Variants in PCBP3 observed in about 807,000 individuals in gnomAD.
The protein encoded by PCBP3 is poly(rC)-binding protein 3.
A neutral mutation model predicts 52.7 loss-of-function variants in PCBP3; 25 were observed. That is an observed-to-expected ratio of 0.47 (90% CI 0.35 to 0.66). The LOEUF (loss-of-function observed/expected upper bound fraction) is 0.66. Among genes scored for constraint, PCBP3 ranks in the 30% least tolerant of loss-of-function variants. The pLI, the probability that PCBP3 is intolerant of heterozygous loss-of-function variation, is 0.01. For missense variants in PCBP3, 391 were observed against 490.3 expected (o/e 0.80, Z 1.91); for synonymous variants, 162 against 183.0 (o/e 0.89, Z 0.93).
rs1252577771 is a variant in PCBP3 at position 45,830,120 on chromosome 21, C to CT, written c.-125-19837dup. ...GGATGGAGGAAGCCTTCCCCTGACC[C>CT]TTTTGGGGGCATGCAGTACATGTGG... is the stretch of plus-strand genomic sequence containing the variant. On this transcript the variant is annotated intron_variant, in intron 4 of 17. Transcript: ENST00000681687. The surrounding 1 kb of genome is among the most constrained non-coding windows in gnomAD (Gnocchi z 4.4). The CT allele has an allele frequency of 2.0e-5, 3 of 152,750 alleles. No individual in the cohort carries two copies. Among genetic ancestry groups the CT allele is most frequent in the Admixed American group, 6.5e-5 (1 of 15,288 alleles). 9.5% of individuals were successfully genotyped at this position (152,750 alleles called of 1,614,324 possible). A position where few individuals can be genotyped will look rare whatever the true frequency, so the allele number is the denominator to read the frequency against.
chr21:45,918,703 T>G (rs1325585317), intron 13 of PCBP3: 1 of 149,186 alleles, frequency 6.7e-6, no homozygotes, highest in East Asian at 2.0e-4. Flanking sequence ...GAAGTTACTC[T>G]CAGATAAACC....
At chr21:45,749,401 CAG>C (rs1386655051) in intron 3 of PCBP3, 1 of 152,054 alleles carries the variant, frequency 6.6e-6, no homozygotes, top group Non-Finnish European at 1.5e-5. Context: ...GAGGAAAACA[CAG>C]AAGACGAGGG....
Position 45,782,170 on chromosome 21 carries a change from T to C in PCBP3, c.-126+26718T>C, listed in dbSNP as rs1248228300. 2.0e-5 allele frequency among the ~76,000 whole-genome samples: 3 copies of C among 152,084 alleles called. No individual in the cohort carries two copies. In the East Asian group the frequency reaches 5.8e-4, roughly 29 times the overall value. On this transcript the variant is annotated intron_variant, in intron 4 of 17. Coordinates refer to ENST00000681687, the MANE Select transcript of PCBP3 (RefSeq NM_001384156.1). ...CTCAGTAAAAAATTTTAAAGCATGC[T>C]AAAACAAGAACAGTAAGTGAAAGAC...
At chr21:45,686,076 C>G (rs2082136887) in intron 2 of PCBP3, among the ~76,000 whole-genome samples, 1 of 151,962 alleles carries the variant, frequency 6.6e-6, no homozygotes, top group African/African-American at 2.4e-5. Flanking sequence ...CTGCTACCAC[C>G]TTGGCTAATT....
intron 2 of PCBP3, among the ~76,000 whole-genome samples, chr21:45,733,639 C>T (rs2085633717): frequency 6.6e-6 from 1 of 152,054 alleles, no homozygotes; most frequent in Non-Finnish European, 1.5e-5. Context: ...CTAGCTCTGT[C>T]ACCCAGGCTG....
At chr21:45,675,543 T>C (rs1444089664) in intron 2 of PCBP3, among the ~76,000 whole-genome samples, 1 of 152,196 alleles carries the variant, frequency 6.6e-6, no homozygotes, top group East Asian at 1.9e-4. Flanking sequence ...ATGGTGGTTC[T>C]TACTCCTGGT....
intron 4 of PCBP3, among the ~76,000 whole-genome samples, chr21:45,789,865 C>T (rs886953540): frequency 7.2e-5 from 11 of 152,102 alleles, no homozygotes; most frequent in African/African-American, 2.2e-4. Context: ...CTCGGCCGGG[C>T]GCAGTGGCTC....
chr21:45,860,792 G>A (rs537205612), intron 5 of PCBP3, among the ~76,000 whole-genome samples: 48 of 152,326 alleles, frequency 3.2e-4, no homozygotes, highest in African/African-American at 1.0e-3. Context: ...GGCCGGCAGC[G>A]ACCCCTCCCC....
rs962477207 is a variant in PCBP3 at position 45,704,106 on chromosome 21, C to T, written c.-199-31286C>T. 1.3e-5 allele frequency among the ~76,000 whole-genome samples: 2 copies of T among 152,086 alleles called. No individual in the cohort carries two copies. The highest frequency in any genetic ancestry group is 1.9e-4 in the East Asian group (1 of 5,180). ...TGTCAAGAGGTCAGAAGGGAAGACA[C>T]GTTTATCTTGAGTTGGGAAGAACAA... On this transcript the variant is annotated intron_variant, in intron 2 of 17. Transcript: ENST00000681687. The surrounding 1 kb of genome is among the most constrained non-coding windows in gnomAD (Gnocchi z 4.1).
At chr21:45,771,257 C>T (rs1248991948) in intron 4 of PCBP3, among the ~76,000 whole-genome samples, 9 of 152,180 alleles carry the variant, frequency 5.9e-5, no homozygotes, top group Non-Finnish European at 1.2e-4. Flanking sequence ...TGAGACTAGA[C>T]AGTGGGCTAA....
At chr21:45,907,382 G>A (rs1466844355) in intron 9 of PCBP3, among the ~76,000 whole-genome samples, 1 of 152,166 alleles carries the variant, frequency 6.6e-6, no homozygotes, top group Non-Finnish European at 1.5e-5. Context: ...GGGACGAAAG[G>A]GCTGCCCTCA....
intron 4 of PCBP3, among the ~76,000 whole-genome samples, chr21:45,768,818 C>T (rs1038805149): frequency 1.5e-4 from 23 of 152,206 alleles, no homozygotes; most frequent in Non-Finnish European, 7.3e-5. Flanking sequence ...CTGTGCCTGC[C>T]CTGTGAGCAG....
intron 4 of PCBP3, among the ~76,000 whole-genome samples, chr21:45,814,649 GTGAGTGAGTGGTGAGTGA>G (rs2092795545): frequency 1.0e-5 from 1 of 95,686 alleles, no homozygotes; most frequent in Non-Finnish European, 2.3e-5. Context: ...TGAGTGAGTG[GTGAGTGAGTGGTGAGTGA>G]TGAGTGGTGA....
At chr21:45,754,991 A>G (rs1018457155) in intron 3 of PCBP3, among the ~76,000 whole-genome samples, 33 of 152,298 alleles carry the variant, frequency 2.2e-4, no homozygotes, top group South Asian at 8.3e-4. Context: ...TTGAGATATA[A>G]TTTATATAGT....
intron 2 of PCBP3, among the ~76,000 whole-genome samples, chr21:45,705,123 G>T (rs1451926296): frequency 2.0e-5 from 3 of 152,234 alleles, no homozygotes; most frequent in African/African-American, 7.2e-5. Flanking sequence ...GTTGCTTTCT[G>T]TGCAGCATCG....
chr21:45,883,564 C>T (rs1448279038), intron 5 of PCBP3, among the ~76,000 whole-genome samples: 1 of 152,000 alleles, frequency 6.6e-6, no homozygotes, highest in African/African-American at 2.4e-5. Context: ...TTTTACAGCT[C>T]TGTTATTTGA....
chr21:45,708,827 C>A (rs1433608309), intron 2 of PCBP3, among the ~76,000 whole-genome samples: 1 of 152,172 alleles, frequency 6.6e-6, no homozygotes, highest in Non-Finnish European at 1.5e-5. Flanking sequence ...TCCTTTGTTC[C>A]CCGTAGGAGC....
At chr21:45,811,089 C>T (rs1228992053) in intron 4 of PCBP3, among the ~76,000 whole-genome samples, 1 of 151,946 alleles carries the variant, frequency 6.6e-6, no homozygotes, top group East Asian at 1.9e-4. Context: ...TTTATATTAA[C>T]CTTCTTTTCT....
chr21:45,889,100 A>G (rs1327278287), intron 5 of PCBP3, among the ~76,000 whole-genome samples: 1 of 152,208 alleles, frequency 6.6e-6, no homozygotes, highest in African/African-American at 2.4e-5. Flanking sequence ...CTGTTGCATG[A>G]CTGGAGCTGT....
Sources: gnomAD v4.1 joint callset for allele counts (sites outside exome capture counted in the v4.1 genomes callset) on GRCh38, gnomAD v4.1.1 for gene constraint, Gnocchi (gnomAD v3.1) non-coding constraint, MANE v1.5 for transcripts, NCBI Gene and HGNC (gene_info 2026-07-23, HGNC 2026-07-21) for gene names.